SHCBP1L: variants seen among roughly 807,000 people sequenced by gnomAD.
SHCBP1L encodes SHC binding and spindle associated 1 like.
A neutral mutation model predicts 62.5 loss-of-function variants in SHCBP1L; 67 were observed. The observed-to-expected ratio is 1.07, with a 90% confidence interval of 0.88 to 1.31. SHCBP1L has a LOEUF of 1.31. Ranked by LOEUF, SHCBP1L falls within the 40% of genes most tolerant of loss-of-function variation. SHCBP1L has a pLI of 0.00. For synonymous variants in SHCBP1L, 284 were observed against 289.4 expected (o/e 0.98, Z 0.19); for missense variants, 823 against 809.8 (o/e 1.02, Z -0.20).
At chr1:182,902,660 T>C (rs1649881792) in intron 9 of SHCBP1L, among the ~76,000 whole-genome samples, 1 of 152,202 alleles carries the variant, frequency 6.6e-6, no homozygotes, top group Non-Finnish European at 1.5e-5. Flanking sequence ...GCTTAAATCA[T>C]TTAACACAAC....
At chr1:182,931,800 G>A (rs934190817) in intron 5 of SHCBP1L, among the ~76,000 whole-genome samples, 7 of 152,104 alleles carry the variant, frequency 4.6e-5, no homozygotes, top group African/African-American at 1.4e-4. Flanking sequence ...TTACATCAGA[G>A]TTGACTCTTG....
Position 182,937,898 on chromosome 1 carries a change from TTA to T in SHCBP1L, c.1076+1276_1076+1277del, listed in dbSNP as rs531661113. Reference sequence around the variant, plus strand: ...TTTGCTTTGTTTCTCTGAAGTGTTTTTATTTTTCTTGCCTTTTAGCATGCCTT... The same window carrying T: ...TTTGCTTTGTTTCTCTGAAGTGTTTTTTTTTCTTGCCTTTTAGCATGCCTT... On this transcript the variant is annotated intron_variant, in intron 5 of 9. Coordinates refer to ENST00000367547, the MANE Select transcript of SHCBP1L (RefSeq NM_030933.4). 1.5e-3 allele frequency among the ~76,000 whole-genome samples: 221 copies of T among 152,354 alleles called. 2 individuals are homozygous for T. The highest frequency in any genetic ancestry group is 5.2e-3 in the African/African-American group (215 of 41,588).
At chr1:182,918,159 T>C (rs950524424) in intron 6 of SHCBP1L, among the ~76,000 whole-genome samples, 4 of 147,506 alleles carry the variant, frequency 2.7e-5, no homozygotes, top group South Asian at 2.1e-4. Context: ...TATATACACA[T>C]ATATATACAC....
At chr1:182,914,912 G>C (rs929209797) in intron 6 of SHCBP1L, among the ~76,000 whole-genome samples, 1 of 152,036 alleles carries the variant, frequency 6.6e-6, no homozygotes, top group Non-Finnish European at 1.5e-5. Flanking sequence ...GCTCATGCCT[G>C]TAATCCCAAC....
intron 1 of SHCBP1L, among the ~76,000 whole-genome samples, chr1:182,952,221 TATATATATATATATACACAC>T (rs1558007608): frequency 1.6e-5 from 1 of 63,832 alleles, no homozygotes; most frequent in Non-Finnish European, 2.5e-5. Flanking sequence ...TATATATATA[TATATATATATATATACACAC>T]ACACACACAC....
At chr1:182,918,094 A>G (rs1650409841) in intron 6 of SHCBP1L, among the ~76,000 whole-genome samples, 1 of 149,428 alleles carries the variant, frequency 6.7e-6, no homozygotes, top group African/African-American at 2.4e-5. Flanking sequence ...ATATACACAT[A>G]TATATGTATA....
rs1024494405 is a variant in SHCBP1L, at chr1:182,940,375, G to T, written c.724C>A (p.Gln242Lys). The change falls in exon 3 of 10, where the codon CAA (glutamine) becomes AAA (lysine). Residue 242 changes from glutamine (Q) to lysine (K), a missense_variant. Transcript: ENST00000367547. ...PLLEVYPVEG[Q>K]DTDIHVIALA... ...GCAATAACATGTATATCAGTATCTT[G>T]TCCCTCAACAGGATACACTTCCAAA... is the stretch of plus-strand genomic sequence containing the variant. 1.9e-6 allele frequency: 3 copies of T among 1,613,866 alleles called. No individual in the cohort carries two copies. The highest frequency in any genetic ancestry group is 1.7e-6 in the Non-Finnish European group (2 of 1,179,912).
chr1:182,930,494 T>C (rs973205189), intron 5 of SHCBP1L, among the ~76,000 whole-genome samples: 9 of 146,040 alleles, frequency 6.2e-5, no homozygotes, highest in Admixed American at 2.1e-4. Flanking sequence ...TCTTTTGCAT[T>C]CTCTGCTGCA....
chr1:182,950,725 G>A (rs550429741), intron 2 of SHCBP1L: 19 of 151,960 alleles, frequency 1.3e-4, no homozygotes, highest in Admixed American at 1.0e-3. Context: ...TCAGATAAAG[G>A]CTTGGAAGAT....
rs574245970 is a variant in SHCBP1L at position 182,921,206 on chromosome 1, T to C, written c.1182+8441A>G. ...CAGAAATCCTGTAAGTCAGAAGAGATTGGGGGCCTACATTCAGCAATCTTA... is the reference window on the plus strand; with the variant it reads ...CAGAAATCCTGTAAGTCAGAAGAGACTGGGGGCCTACATTCAGCAATCTTA... On this transcript the variant is annotated intron_variant, in intron 6 of 9. Coordinates refer to ENST00000367547, the MANE Select transcript of SHCBP1L (RefSeq NM_030933.4). Among the ~76,000 whole-genome samples the C allele has an allele frequency of 2.7e-4, 41 of 152,158 alleles. 1 individual carries two copies. Among genetic ancestry groups the C allele is most frequent in the Middle Eastern group, 6.8e-3 (2 of 294 alleles).
intron 8 of SHCBP1L, among the ~76,000 whole-genome samples, chr1:182,903,479 T>G (rs1449377327): frequency 6.6e-6 from 1 of 152,184 alleles, no homozygotes; most frequent in Non-Finnish European, 1.5e-5. Flanking sequence ...AATTTATATC[T>G]ACTGTAAATC....
intron 6 of SHCBP1L, among the ~76,000 whole-genome samples, chr1:182,914,557 A>G (rs1050142669): frequency 2.0e-5 from 3 of 152,212 alleles, no homozygotes; most frequent in African/African-American, 4.8e-5. Context: ...TTCAAACTCA[A>G]TCGTTATAAA....
chr1:182,905,375 G>A, intron 7 of SHCBP1L, 121 bp downstream of exon 7: 1 of 1,034,064 alleles, frequency 9.7e-7, no homozygotes, highest in Admixed American at 3.1e-5. Context: ...TGAACATAAA[G>A]GATTTTTGTA....
chr1:182,911,990 CCA>C (rs1489870548), intron 6 of SHCBP1L, among the ~76,000 whole-genome samples: 2 of 152,234 alleles, frequency 1.3e-5, no homozygotes, highest in Non-Finnish European at 2.9e-5. Context: ...CTCATAACTT[CCA>C]CAGTCCTTAT....
rs543709650 is a variant in SHCBP1L, at chr1:182,912,823, G to GTAATATCCTTTA, written c.1183-7186_1183-7175dup. 2.6e-3 allele frequency among the ~76,000 whole-genome samples: 399 copies of GTAATATCCTTTA among 151,436 alleles called. 4 individuals carry two copies. The highest frequency in any genetic ancestry group is 9.1e-3 in the African/African-American group (377 of 41,352). On this transcript the variant is annotated intron_variant, in intron 6 of 9. Coordinates refer to ENST00000367547, the MANE Select transcript of SHCBP1L (RefSeq NM_030933.4). Reference sequence around the variant, plus strand: ...CAGGCATGAGCCACTGTGCTTGACTGTAATATCCTTTATAATAAACTGGTA... The same window carrying GTAATATCCTTTA: ...CAGGCATGAGCCACTGTGCTTGACTGTAATATCCTTTATAATATCCTTTATAATAAACTGGTA...
intron 6 of SHCBP1L, among the ~76,000 whole-genome samples, chr1:182,928,170 T>C (rs1017305870): frequency 6.8e-6 from 1 of 146,752 alleles, no homozygotes; most frequent in Admixed American, 6.7e-5. Flanking sequence ...ATGCCAGCTT[T>C]ATCTTTCATC....
chr1:182,931,843 A>G (rs1651007472), intron 5 of SHCBP1L, among the ~76,000 whole-genome samples: 1 of 151,412 alleles, frequency 6.6e-6, no homozygotes, highest in Non-Finnish European at 1.5e-5. Flanking sequence ...GGACAAATGT[A>G]TAATGACATG....
chr1:182,924,563 TG>T (rs2101935800), intron 6 of SHCBP1L, among the ~76,000 whole-genome samples: 1 of 151,780 alleles, frequency 6.6e-6, no homozygotes, highest in South Asian at 2.1e-4. Flanking sequence ...TCCAAAGTGC[TG>T]GGATTACAGG....
chr1:182,944,307 G>A, intron 2 of SHCBP1L: 1 of 150,974 alleles, frequency 6.6e-6, no homozygotes, highest in Non-Finnish European at 1.5e-5. Context: ...TGGAAGGCTA[G>A]GGCAGGAGAA....
Sources: gnomAD v4.1 joint callset for allele counts (sites outside exome capture counted in the v4.1 genomes callset) on GRCh38, gnomAD v4.1.1 for gene constraint, MANE v1.5 for transcripts, NCBI Gene and HGNC (gene_info 2026-07-23, HGNC 2026-07-21) for gene names.